Variants in PPP2R2B observed in about 807,000 individuals in gnomAD.
PPP2R2B encodes the protein serine/threonine-protein phosphatase 2A 55 kDa regulatory subunit B beta isoform.
Under a neutral mutation model 46.0 loss-of-function variants are expected in PPP2R2B, and 5 were observed. The observed-to-expected ratio is 0.11, with a 90% confidence interval of 0.06 to 0.23. The LOEUF (loss-of-function observed/expected upper bound fraction) is 0.23, where lower values mean the gene tolerates loss of function less well. PPP2R2B is among the 10% of genes least tolerant of loss of function. The pLI is 1.00. For missense variants in PPP2R2B, 367 were observed against 575.0 expected (o/e 0.64, Z 3.70); for synonymous variants, 215 against 206.7 (o/e 1.04, Z -0.34).
rs375041990 is a variant in PPP2R2B at position 147,020,576 on chromosome 5, G to A, written c.79+35089C>T. Among the ~76,000 whole-genome samples the A allele has an allele frequency of 4.6e-5, 7 of 152,228 alleles. No homozygotes were observed. The East Asian group carries it at 9.7e-4, about 21-fold the overall frequency. The stretch of plus-strand genomic sequence containing the variant: ...AGAGGAGGAGACCAGGAGGGGTGGA[G>A]AAAGAAAACAAAAAGTGAAAATAAA... On this transcript the variant is annotated intron_variant, in intron 1 of 8. Transcript: ENST00000336640.
intron 2 of PPP2R2B, among the ~76,000 whole-genome samples, chr5:146,826,063 A>G (rs1758560809): frequency 2.0e-5 from 3 of 152,208 alleles, no homozygotes; most frequent in African/African-American, 4.8e-5. Flanking sequence ...TATCCGGTAA[A>G]TAATTCAAAG....
intron 2 of PPP2R2B, among the ~76,000 whole-genome samples, chr5:146,742,760 G>A (rs4705441): frequency 0.5 from 76,497 of 152,036 alleles, 23,913 homozygotes; most frequent in Non-Finnish European, 0.67. Context: ...AAGTAGTTGC[G>A]ATGAGGTCAT....
chr5:147,012,250 T>G (rs2151878671), intron 1 of PPP2R2B, among the ~76,000 whole-genome samples: 1 of 152,282 alleles, frequency 6.6e-6, no homozygotes, highest in East Asian at 1.9e-4. Context: ...TTGCCACAAT[T>G]TCGGATCCTG....
At chr5:146,771,598 AG>A in intron 2 of PPP2R2B, among the ~76,000 whole-genome samples, 1 of 152,338 alleles carries the variant, frequency 6.6e-6, no homozygotes, top group Non-Finnish European at 1.5e-5. Flanking sequence ...GCAGATGATG[AG>A]CTGTCTACCA....
At chr5:146,668,598 C>T (rs1561817180) in intron 5 of PPP2R2B, among the ~76,000 whole-genome samples, 1 of 152,146 alleles carries the variant, frequency 6.6e-6, no homozygotes, top group Non-Finnish European at 1.5e-5. Flanking sequence ...GTGACTTATG[C>T]CTGGTCTACT....
rs1770050164 is a variant in PPP2R2B, at chr5:146,584,661, A to C, written c.*5286T>G. 6.6e-6 allele frequency: 1 copy of C among 152,236 alleles called. No homozygotes were observed. The highest frequency in any genetic ancestry group is 6.5e-5 in the Admixed American group (1 of 15,282). The allele number at this position is 152,236 out of a possible 1,614,324, so 9.4% of individuals were successfully genotyped here. A position where few individuals can be genotyped will look rare whatever the true frequency, so the allele number is the denominator to read the frequency against. Reference sequence around the variant, plus strand: ...TGCCTCTCCCAATGCCTGTCATTGCAATAACTACTCAGGAAATATTGGTTT... The same window carrying C: ...TGCCTCTCCCAATGCCTGTCATTGCCATAACTACTCAGGAAATATTGGTTT... On this transcript the variant is annotated 3_prime_UTR_variant, in exon 10 of 10. Transcript: ENST00000394411.
rs1004733260 is a variant in PPP2R2B at position 146,857,713 on chromosome 5, G to A, written c.70+20289C>T. The stretch of plus-strand genomic sequence containing the variant: ...AATTTTTTTTTTTTTTTGAGATGGA[G>A]TTTTGCTCTTGTTGCCCAGGCTGGA... On this transcript the variant is annotated intron_variant, in intron 2 of 9. Transcript: ENST00000394411. Among the ~76,000 whole-genome samples the A allele has an allele frequency of 2.9e-4, 44 of 149,922 alleles. 2 individuals are homozygous for A. Among genetic ancestry groups the A allele is most frequent in the Non-Finnish European group, 5.9e-5 (4 of 67,670 alleles).
intron 6 of PPP2R2B, among the ~76,000 whole-genome samples, chr5:146,649,180 A>G (rs1775778458): frequency 6.6e-6 from 1 of 152,186 alleles, no homozygotes; most frequent in African/African-American, 2.4e-5. Context: ...GGCAGGGCTC[A>G]TGGATAGATG....
chr5:146,877,458 T>C (rs1265972188), intron 2 of PPP2R2B, among the ~76,000 whole-genome samples: 2 of 152,198 alleles, frequency 1.3e-5, no homozygotes, highest in Non-Finnish European at 2.9e-5. Flanking sequence ...CTTTTTATTT[T>C]TGCTAATGCA....
chr5:146,896,701 G>T (rs62373293), intron 1 of PPP2R2B, among the ~76,000 whole-genome samples: 5 of 150,152 alleles, frequency 3.3e-5, no homozygotes. Flanking sequence ...TTTTTTTTCG[G>T]TGATTCACTT....
chr5:146,687,108 G>A (rs907612862), intron 5 of PPP2R2B, among the ~76,000 whole-genome samples: 1 of 151,536 alleles, frequency 6.6e-6, no homozygotes, highest in Non-Finnish European at 1.5e-5. Flanking sequence ...GAGGGAGAGG[G>A]AGAGAGAGGG....
intron 2 of PPP2R2B, among the ~76,000 whole-genome samples, chr5:146,791,510 A>T (rs1400101415): frequency 6.6e-6 from 1 of 152,162 alleles, no homozygotes; most frequent in Non-Finnish European, 1.5e-5. Flanking sequence ...GGCATTAAAA[A>T]AAAATCCAAC....
rs1455077905 is a variant in PPP2R2B, at chr5:146,678,642, C to A, written c.447+12486G>T. Among the ~76,000 whole-genome samples the A allele has an allele frequency of 4.2e-3, 622 of 146,822 alleles. 6 individuals carry two copies. The highest frequency in any genetic ancestry group is 0.016 in the African/African-American group (601 of 37,522). On this transcript the variant is annotated intron_variant, in intron 5 of 9. Transcript: ENST00000394411. Reference sequence around the variant, plus strand: ...ATGACATGATTGTATATCTAGAAAACCCCATTGTCTCAGCCCAAAATCTCC... The same window carrying A: ...ATGACATGATTGTATATCTAGAAAAACCCATTGTCTCAGCCCAAAATCTCC...
At chr5:146,877,793 C>T (rs991492328) in intron 2 of PPP2R2B, among the ~76,000 whole-genome samples, 6 of 152,294 alleles carry the variant, frequency 3.9e-5, no homozygotes, top group Non-Finnish European at 8.8e-5. Context: ...CCGTGGGCGC[C>T]GGGTCCACCT....
intron 2 of PPP2R2B, among the ~76,000 whole-genome samples, chr5:146,869,232 A>C (rs1304182736): frequency 1.3e-5 from 2 of 152,222 alleles, no homozygotes; most frequent in East Asian, 3.8e-4. Flanking sequence ...AAGACCACAG[A>C]TTTCTGATTT....
At chr5:146,932,230 G>A (rs1182126662) in intron 1 of PPP2R2B, among the ~76,000 whole-genome samples, 1 of 152,084 alleles carries the variant, frequency 6.6e-6, no homozygotes, top group Non-Finnish European at 1.5e-5. Flanking sequence ...GGTTTATCAA[G>A]GTATCAGCCT....
intron 7 of PPP2R2B, among the ~76,000 whole-genome samples, chr5:146,609,381 C>T (rs561029231): frequency 2.0e-5 from 3 of 152,094 alleles, no homozygotes; most frequent in Non-Finnish European, 4.4e-5. Context: ...GAAAAGGCAT[C>T]CAAATTGGAA....
chr5:146,750,781 T>C (rs981133491), intron 2 of PPP2R2B, among the ~76,000 whole-genome samples: 4 of 152,142 alleles, frequency 2.6e-5, no homozygotes, highest in African/African-American at 4.8e-5. Context: ...ATCTATTTTT[T>C]AAAAAACCTA....
chr5:146,980,710 C>T lies in PPP2R2B; in HGVS notation c.79+74955G>A, dbSNP rs145119525. Reference sequence around the variant, plus strand: ...ATGTGGTCTCTGTTATATTGATTTACAGTATCTTTTGCATGTAATTTGAGG... The same window carrying T: ...ATGTGGTCTCTGTTATATTGATTTATAGTATCTTTTGCATGTAATTTGAGG... On this transcript the variant is annotated intron_variant, in intron 1 of 8. Coordinates refer to the PPP2R2B transcript ENST00000336640. 5.2e-3 allele frequency among the ~76,000 whole-genome samples: 798 copies of T among 152,238 alleles called. 2 individuals are homozygous for T. The highest frequency in any genetic ancestry group is 0.018 in the African/African-American group (756 of 41,550).
Sources: allele counts gnomAD v4.1 joint callset (sites outside exome capture counted in the v4.1 genomes callset), GRCh38; gene constraint gnomAD v4.1.1; transcripts MANE v1.5; gene names NCBI Gene and HGNC (gene_info 2026-07-23, HGNC 2026-07-21).